Variants in UBE2K observed in about 807,000 individuals in gnomAD.
UBE2K encodes ubiquitin-conjugating enzyme E2 K.
Under a neutral mutation model 30.0 loss-of-function variants are expected in UBE2K, and 6 were observed. That is an observed-to-expected ratio of 0.20 (90% CI 0.11 to 0.39). The LOEUF is 0.39. UBE2K is among the 10% of genes least tolerant of loss of function. The probability of loss-of-function intolerance (pLI) is 1.00; values close to 1 mark genes in which losing one functional copy is unlikely to be tolerated. For missense variants in UBE2K, 61 were observed against 241.6 expected (o/e 0.25, Z 4.96); for synonymous variants, 86 against 83.7 (o/e 1.03, Z -0.15).
intron 4 of UBE2K, among the ~76,000 whole-genome samples, chr4:39,768,128 TC>T (rs1475649720): frequency 6.6e-6 from 1 of 152,018 alleles, no homozygotes; most frequent in Non-Finnish European, 1.5e-5. Context: ...AGAAAGAATT[TC>T]CCCTTGTTAT....
chr4:39,709,547 CCAT>C (rs770959036), intron 1 of UBE2K, among the ~76,000 whole-genome samples: 13 of 151,970 alleles, frequency 8.6e-5, no homozygotes, highest in Non-Finnish European at 1.5e-4. Context: ...TATAATTACT[CCAT>C]TGTTAATCTC....
At chr4:39,766,895 A>C (rs906571874) in intron 4 of UBE2K, among the ~76,000 whole-genome samples, 1 of 151,792 alleles carries the variant, frequency 6.6e-6, no homozygotes, top group Non-Finnish European at 1.5e-5. Context: ...GGGATTACAA[A>C]CATGCACCAC....
intron 1 of UBE2K, among the ~76,000 whole-genome samples, chr4:39,718,193 G>C (rs1168368082): frequency 6.6e-6 from 1 of 152,088 alleles, no homozygotes; most frequent in Non-Finnish European, 1.5e-5. Flanking sequence ...GAGTTGATTG[G>C]TCCGTTTTGA....
At chr4:39,767,250 AAG>A (rs924321416) in intron 4 of UBE2K, among the ~76,000 whole-genome samples, 23 of 149,614 alleles carry the variant, frequency 1.5e-4, no homozygotes, top group African/African-American at 5.1e-4. Flanking sequence ...GGTATAATGT[AAG>A]GGTCCAGCTT....
chr4:39,698,452 G>A lies in UBE2K; in HGVS notation c.63+62G>A, dbSNP rs1717817875. On this transcript the variant is annotated intron_variant, in intron 1 of 6. Coordinates refer to ENST00000261427, the MANE Select transcript of UBE2K (RefSeq NM_005339.5). ...CTGGGGCGGGAGGGTCCTCCCAGCT[G>A]CGACCCCGATATCCCCGGTAGTCCC... The A allele has an allele frequency of 3.3e-6, 5 of 1,498,986 alleles. No individual in the cohort carries two copies. The East Asian group carries it at 1.2e-4, about 36-fold the overall frequency. 92.9% of individuals were successfully genotyped at this position (1,498,986 alleles called of 1,614,324 possible).
At chr4:39,746,327 G>A (rs551543037) in intron 3 of UBE2K, among the ~76,000 whole-genome samples, 1 of 152,246 alleles carries the variant, frequency 6.6e-6, no homozygotes, top group Admixed American at 6.5e-5. Flanking sequence ...AGGGAGTATG[G>A]AATACCCTAA....
intron 4 of UBE2K, among the ~76,000 whole-genome samples, chr4:39,764,442 CT>C (rs970171203): frequency 7.5e-5 from 10 of 133,338 alleles, no homozygotes; most frequent in African/African-American, 2.8e-4. Context: ...TTTCTTTTCT[CT>C]TTTTTTCTTT....
chr4:39,776,669 A>G (rs921633728), intron 5 of UBE2K, among the ~76,000 whole-genome samples: 3 of 152,082 alleles, frequency 2.0e-5, no homozygotes, highest in African/African-American at 7.2e-5. Flanking sequence ...TAATTTATAT[A>G]TTATCTTTCT....
intron 1 of UBE2K, among the ~76,000 whole-genome samples, chr4:39,709,662 C>G (rs1718564012): frequency 1.3e-5 from 2 of 151,830 alleles, no homozygotes; most frequent in African/African-American, 4.8e-5. Context: ...GAACGTGTCC[C>G]CTGTGGATAA....
At chr4:39,774,991 C>G in intron 5 of UBE2K, 58 bp downstream of exon 5, 1 of 1,188,130 alleles carries the variant, frequency 8.4e-7, no homozygotes, top group Non-Finnish European at 1.2e-6. Context: ...CTAGCCACTT[C>G]AGTGGTTTGC....
intron 1 of UBE2K, among the ~76,000 whole-genome samples, chr4:39,732,672 C>CTTTT (rs10650873): frequency 0.04 from 4,562 of 114,892 alleles, 188 homozygotes; most frequent in African/African-American, 0.055. Context: ...CTTCTTCCCT[C>CTTTT]TTTTTTTTTT....
chr4:39,777,860 T>A, intron 6 of UBE2K, 50 bp downstream of exon 6: 2 of 1,358,200 alleles, frequency 1.5e-6, no homozygotes, highest in Non-Finnish European at 1.9e-6. Context: ...GATTTTAAAT[T>A]ATTGCAAATT....
chr4:39,712,482 T>G (rs1043515043), intron 1 of UBE2K, among the ~76,000 whole-genome samples: 1 of 151,084 alleles, frequency 6.6e-6, no homozygotes, highest in African/African-American at 2.4e-5. Context: ...CAGGCTGGAG[T>G]ACAGTAGCAC....
At position 39,780,001 on chromosome 4, in the gene UBE2K, G is replaced by A. The variant is rs1008475666; in HGVS notation, c.*1567G>A. On this transcript the variant is annotated 3_prime_UTR_variant, in exon 7 of 7. Coordinates refer to ENST00000261427, the MANE Select transcript of UBE2K (RefSeq NM_005339.5). ...TAAAAGAACCATTATTAAATATATT[G>A]TAATGTTAAAGATGTGAAGGTTCTT... 1.3e-5 allele frequency: 2 copies of A among 152,050 alleles called. No individual in the cohort carries two copies. The highest frequency in any genetic ancestry group is 2.9e-5 in the Non-Finnish European group (2 of 67,972). 9.4% of individuals were successfully genotyped at this position (152,050 alleles called of 1,614,324 possible). A position where few individuals can be genotyped will look rare whatever the true frequency, so the allele number is the denominator to read the frequency against.
intron 1 of UBE2K, chr4:39,714,496 C>T (rs1467846602): frequency 2.5e-5 from 3 of 121,892 alleles, no homozygotes; most frequent in Non-Finnish European, 4.9e-5. Flanking sequence ...CTTAACTGTC[C>T]TCCTTGTCTT....
chr4:39,750,369 T>A (rs1721194567), intron 3 of UBE2K, among the ~76,000 whole-genome samples: 1 of 152,144 alleles, frequency 6.6e-6, no homozygotes, highest in South Asian at 2.1e-4. Flanking sequence ...ATAAGAACCG[T>A]TGATGCTATG....
Position 39,758,062 on chromosome 4 carries a change from A to G in UBE2K, c.299+2323A>G, listed in dbSNP as rs140464085. Among the ~76,000 whole-genome samples, 61 of 152,288 alleles carry G rather than the reference A, an allele frequency of 4.0e-4. No individual in the cohort carries two copies. In the East Asian group the frequency reaches 0.012, roughly 29 times the overall value. On this transcript the variant is annotated intron_variant, in intron 4 of 6. Transcript: ENST00000261427. ...TCATCTTTACTTGACTATATAACGA[A>G]CATATCAAACATAAACTGAACTGAT... is the stretch of plus-strand genomic sequence containing the variant.
chr4:39,760,668 C>T (rs947070194), intron 4 of UBE2K, among the ~76,000 whole-genome samples: 3 of 152,022 alleles, frequency 2.0e-5, no homozygotes, highest in Non-Finnish European at 2.9e-5. Context: ...GAGGCCGAGG[C>T]GGGCGGATCA....
chr4:39,726,682 G>A (rs1257294463), intron 1 of UBE2K, among the ~76,000 whole-genome samples: 1 of 152,040 alleles, frequency 6.6e-6, no homozygotes, highest in East Asian at 1.9e-4. Context: ...TGCAACCTCT[G>A]CCTCCTGGGC....
Sources: allele counts gnomAD v4.1 joint callset (sites outside exome capture counted in the v4.1 genomes callset), GRCh38; gene constraint gnomAD v4.1.1; transcripts MANE v1.5; gene names NCBI Gene and HGNC (gene_info 2026-07-23, HGNC 2026-07-21).